The following POR variants were observed in gnomAD, a reference collection of about 807,000 sequenced individuals.
POR encodes cytochrome p450 oxidoreductase.
A neutral mutation model predicts 84.0 loss-of-function variants in POR; 56 were observed. The observed-to-expected ratio is 0.67, with a 90% CI of 0.54 to 0.83. The LOEUF is 0.83. Ranked by LOEUF, POR falls within the 40% of genes least tolerant of loss-of-function variation. The pLI is 0.00. For missense variants in POR, 938 were observed against 944.3 expected, an observed-to-expected ratio of 0.99 and a Z score of 0.09; for synonymous variants, 414 against 400.5, an observed-to-expected ratio of 1.03 and a Z score of -0.40.
chr7:75,932,338 G>A (rs117410207), intron 1 of POR, among the ~76,000 whole-genome samples: 1,761 of 152,120 alleles, frequency 0.012, 19 homozygotes, highest in East Asian at 0.038. Flanking sequence ...GCACCAACAC[G>A]CCCAGCTAAT....
chr7:75,970,643 G>A (rs1788387182), intron 2 of POR, among the ~76,000 whole-genome samples: 1 of 151,860 alleles, frequency 6.6e-6, no homozygotes, highest in Non-Finnish European at 1.5e-5. Context: ...CACTGAGCTA[G>A]GTTCTTGGAT....
At position 75,968,369 on chromosome 7, in the gene POR, G is replaced by A. The variant is rs1166300350; in HGVS notation, c.189-4044G>A. The A allele has an allele frequency of 3.0e-5, 13 of 431,430 alleles. No individual in the cohort carries two copies. In the East Asian group the frequency reaches 4.3e-4, roughly 14 times the overall value. 26.7% of individuals were successfully genotyped at this position (431,430 alleles called of 1,614,324 possible). A position where few individuals can be genotyped will look rare whatever the true frequency, so the allele number is the denominator to read the frequency against. ...GGCCCCTCTGGTCCAGGACTTGCAC[G>A]CTGCATTTCCCTGCTTCCAAAGGAA... On this transcript the variant is annotated intron_variant, in intron 2 of 15. Transcript: ENST00000461988.
chr7:75,946,021 T>G (rs1030625991), intron 1 of POR, among the ~76,000 whole-genome samples: 1 of 152,180 alleles, frequency 6.6e-6, no homozygotes, highest in Non-Finnish European at 1.5e-5. Flanking sequence ...GTGTGCTCCC[T>G]GATTTATTTG....
chr7:75,974,318 G>A (rs1788575267), intron 3 of POR, among the ~76,000 whole-genome samples: 1 of 152,060 alleles, frequency 6.6e-6, no homozygotes, highest in Admixed American at 6.6e-5. Context: ...TCACACCGTG[G>A]CACGCGCTCA....
chr7:75,936,330 A>C (rs1807685720), intron 1 of POR, among the ~76,000 whole-genome samples: 2 of 150,716 alleles, frequency 1.3e-5, no homozygotes, highest in Non-Finnish European at 2.9e-5. Context: ...GCTGGTCTCG[A>C]ACCTCTGGCC....
At position 75,954,083 on chromosome 7, in the gene POR, A is replaced by G; in HGVS notation, c.91A>G (p.Met31Val). ...AGTATCTCTTTTCAGCATGACGGAC[A>G]TGATTCTGTTTTCGCTCATCGTGGG... Residue 31 changes from methionine to valine, a missense_variant, in exon 2 of 16, where the codon ATG (methionine) becomes GTG (valine). Met to Val is a conservative substitution (Grantham distance 21, BLOSUM62 1). Transcript: ENST00000461988. The G allele has an allele frequency of 6.2e-6, 10 of 1,613,202 alleles. No homozygotes were observed. Among genetic ancestry groups the G allele is most frequent in the East Asian group, 2.2e-5 (1 of 44,876 alleles).
At chr7:75,953,103 G>T (rs1357279781) in intron 1 of POR, among the ~76,000 whole-genome samples, 1 of 152,166 alleles carries the variant, frequency 6.6e-6, no homozygotes, top group Admixed American at 6.5e-5. Context: ...GATCACTCGC[G>T]GTTAGGAGCT....
At chr7:75,950,701 G>A (rs1274202336) in intron 1 of POR, among the ~76,000 whole-genome samples, 3 of 152,186 alleles carry the variant, frequency 2.0e-5, no homozygotes, top group African/African-American at 7.2e-5. Flanking sequence ...TATTAAATGT[G>A]TTTATAAGAT....
intron 2 of POR, among the ~76,000 whole-genome samples, chr7:75,958,369 C>T (rs545169058): frequency 2.2e-3 from 329 of 152,120 alleles, no homozygotes; most frequent in Middle Eastern, 0.017. Context: ...CTGCCTGCCT[C>T]GGCCTCCCAA....
At chr7:75,965,420 T>C (rs1011815936) in intron 2 of POR, among the ~76,000 whole-genome samples, 6 of 152,278 alleles carry the variant, frequency 3.9e-5, no homozygotes, top group Non-Finnish European at 7.4e-5. Context: ...CGTTAGCACA[T>C]GAGAGCTGGG....
intron 10 of POR, among the ~76,000 whole-genome samples, chr7:75,984,371 T>C (rs1789275891): frequency 6.6e-6 from 1 of 152,114 alleles, no homozygotes. Flanking sequence ...GTCACCAACC[T>C]GGGCCGAGCC....
intron 1 of POR, among the ~76,000 whole-genome samples, chr7:75,936,023 A>G (rs1807659401): frequency 6.6e-6 from 1 of 151,472 alleles, no homozygotes; most frequent in Admixed American, 6.6e-5. Flanking sequence ...GAAGGGATCA[A>G]GTACCTCTGA....
In POR at chr7:75,982,320, G is replaced by C; in HGVS notation, c.828G>C (p.Lys276Asn). ...GGCTGAAGAGCTACGAGAACCAGAA[G>C]CCGTGAGTGGAGGGAGCGTGGCTTG... Residue 276 changes from lysine (K) to asparagine (N), a missense_variant and splice_region_variant, in exon 8 of 16, where the codon AAG becomes AAC. Transcript: ENST00000461988. 1 of 1,610,396 alleles carries C rather than the reference G, an allele frequency of 6.2e-7. No homozygotes were observed. The highest frequency in any genetic ancestry group is 1.1e-5 in the South Asian group (1 of 90,418).
At position 75,985,149 on chromosome 7, in the gene POR, TG is replaced by T; in HGVS notation, c.1341del (p.Cys448ValfsTer97). On this transcript the variant is annotated frameshift_variant, in exon 12 of 16. Coordinates refer to ENST00000461988, the MANE Select transcript of POR (RefSeq NM_000941.3). LOFTEE classifies it high-confidence loss of function. Reference sequence around the variant, plus strand: ...TCCCTGCGGCCCCCCATCGACCACCTGTGTGAGCTGCTGCCGCGCCTGCAGG... The same window carrying T: ...TCCCTGCGGCCCCCCATCGACCACCTTGTGAGCTGCTGCCGCGCCTGCAGG... The T allele has an allele frequency of 6.3e-7, 1 of 1,599,664 alleles. No individual in the cohort carries two copies. The highest frequency in any genetic ancestry group is 8.5e-7 in the Non-Finnish European group (1 of 1,179,462).
intron 1 of POR, among the ~76,000 whole-genome samples, chr7:75,921,537 C>A (rs1806866907): frequency 6.6e-6 from 1 of 151,244 alleles, no homozygotes; most frequent in African/African-American, 2.4e-5. Context: ...GCTGGGATTA[C>A]AGCAGGCGTG....
intron 6 of POR, 127 bp from the exon 7 acceptor site, chr7:75,981,390 C>G (rs1789032673): frequency 1.7e-6 from 2 of 1,209,294 alleles, no homozygotes; most frequent in East Asian, 5.1e-5. Context: ...GTTTATGTCG[C>G]TGGGTGCCCC....
At chr7:75,965,616 C>A (rs1482493276) in intron 2 of POR, among the ~76,000 whole-genome samples, 1 of 152,122 alleles carries the variant, frequency 6.6e-6, no homozygotes, top group Non-Finnish European at 1.5e-5. Context: ...CACCGATGGG[C>A]TGAATAACCC....
rs1319378748 is a variant in POR at position 75,982,287 on chromosome 7, G to A, written c.795G>A (p.Glu265=). The A allele has an allele frequency of 6.2e-7, 1 of 1,612,724 alleles. No homozygotes were observed. Residue 265 remains glutamate (E), a synonymous_variant, in exon 8 of 16, where the codon GAG becomes GAA. Coordinates refer to ENST00000461988, the MANE Select transcript of POR (RefSeq NM_000941.3). ...ATGCGGCCAAGGTGTACATGGGGGA[G>A]ATGGGCCGGCTGAAGAGCTACGAGA...
intron 15 of POR, 43 bp downstream of exon 15, chr7:75,986,284 G>A: frequency 1.2e-6 from 2 of 1,612,590 alleles, no homozygotes; most frequent in Non-Finnish European, 1.7e-6. Context: ...GGGAGGACAA[G>A]GCCCTGCCTG....
Sources: gnomAD v4.1 joint callset for allele counts (sites outside exome capture counted in the v4.1 genomes callset) on GRCh38, gnomAD v4.1.1 for gene constraint, MANE v1.5 for transcripts, NCBI Gene and HGNC (gene_info 2026-07-23, HGNC 2026-07-21) for gene names.